The following ACOT13 variants were observed in gnomAD, a reference collection of about 807,000 sequenced individuals.
ACOT13 encodes the protein acyl-CoA thioesterase 13.
ACOT13 carries 10 observed loss-of-function variants against 11.8 expected under a neutral mutation model. That is an observed-to-expected ratio of 0.85 (90% CI 0.53 to 1.44). ACOT13 has a LOEUF of 1.44. Ranked by LOEUF, ACOT13 falls within the 40% of genes most tolerant of loss-of-function variation. The pLI is 0.00. For missense variants in ACOT13, 172 were observed against 174.1 expected (o/e 0.99, Z 0.07); for synonymous variants, 53 against 61.0 (o/e 0.87, Z 0.61).
At chr6:24,676,007 C>G (rs971454470) in intron 1 of ACOT13, among the ~76,000 whole-genome samples, 1 of 152,152 alleles carries the variant, frequency 6.6e-6, no homozygotes, top group Non-Finnish European at 1.5e-5. Context: ...TTGTTTTTGT[C>G]AGGTTTGTCA....
intron 2 of ACOT13, among the ~76,000 whole-genome samples, chr6:24,700,149 C>T (rs1429222233): frequency 6.6e-6 from 1 of 152,068 alleles, no homozygotes; most frequent in African/African-American, 2.4e-5. Flanking sequence ...AGCGAGGTTC[C>T]AAAACAACAA....
intron 1 of ACOT13, among the ~76,000 whole-genome samples, chr6:24,685,400 G>A (rs1778613697): frequency 1.4e-5 from 2 of 145,362 alleles, no homozygotes; most frequent in South Asian, 4.4e-4. Flanking sequence ...AGGCTGGAGT[G>A]CAGTGGTGCA....
In ACOT13 at chr6:24,687,583, CAAG is replaced by C. The variant is rs1433719184; in HGVS notation, c.82-10298_82-10296del. On this transcript the variant is annotated intron_variant, in intron 1 of 2. Transcript: ENST00000230048. ...GAAGGTGAATACCTGAATGAGATGT[CAAG>C]AGGAGGAACACACTGGAGAGAAGCA... 81 of 1,456,508 alleles carry C rather than the reference CAAG, an allele frequency of 5.6e-5. No homozygotes were observed. The East Asian group carries it at 1.4e-3, about 25-fold the overall frequency. 90.2% of individuals were successfully genotyped at this position (1,456,508 alleles called of 1,614,324 possible). A position where few individuals can be genotyped will look rare whatever the true frequency, so the allele number is the denominator to read the frequency against.
intron 1 of ACOT13, among the ~76,000 whole-genome samples, chr6:24,694,977 CT>C (rs1266484542): frequency 1.3e-5 from 2 of 152,168 alleles, no homozygotes; most frequent in Non-Finnish European, 2.9e-5. Flanking sequence ...TCAAATGGAA[CT>C]TTAAGAACTA....
chr6:24,669,179 A>G (rs1778318150), intron 1 of ACOT13, among the ~76,000 whole-genome samples: 1 of 152,240 alleles, frequency 6.6e-6, no homozygotes, highest in Admixed American at 6.5e-5. Context: ...ACACAGCCTC[A>G]GGAGGTCCTG....
rs1582429080 is a variant in ACOT13 at position 24,667,181 on chromosome 6, CCTT to C, written c.-79_-77del. 5 of 1,403,224 alleles carry C rather than the reference CCTT, an allele frequency of 3.6e-6. No individual in the cohort carries two copies. Among genetic ancestry groups the C allele is most frequent in the South Asian group, 1.2e-5 (1 of 83,086 alleles). The allele number at this position is 1,403,224 out of a possible 1,614,324, so 86.9% of individuals were successfully genotyped here. A position where few individuals can be genotyped will look rare whatever the true frequency, so the allele number is the denominator to read the frequency against. On this transcript the variant is annotated 5_prime_UTR_variant, in exon 1 of 3. Coordinates refer to ENST00000230048, the MANE Select transcript of ACOT13 (RefSeq NM_018473.4). ...GCGGGCTCTTCGCCCTTTGTGTCCT[CCTT>C]CTTTCACTAACTTCTGGACTTTCCA...
chr6:24,678,597 C>T (rs1159891485), intron 1 of ACOT13, among the ~76,000 whole-genome samples: 6 of 152,126 alleles, frequency 3.9e-5, no homozygotes, highest in Admixed American at 3.9e-4. Context: ...TTCTGTTGCC[C>T]AGACGTCAGG....
intron 1 of ACOT13, among the ~76,000 whole-genome samples, chr6:24,674,889 A>G (rs868700191): frequency 3.0e-5 from 1 of 33,048 alleles, no homozygotes; most frequent in African/African-American, 1.3e-4. Context: ...CCCTCCCCCC[A>G]CCCCACGACA....
chr6:24,687,543 A>G, intron 1 of ACOT13: 1 of 1,406,640 alleles, frequency 7.1e-7, no homozygotes, highest in South Asian at 1.7e-5. Flanking sequence ...AGTCATCTTT[A>G]TGGAAATGAG....
chr6:24,680,026 G>T (rs189914904), intron 1 of ACOT13, among the ~76,000 whole-genome samples: 5 of 152,262 alleles, frequency 3.3e-5, no homozygotes, highest in African/African-American at 1.2e-4. Flanking sequence ...ATCTTCTTTG[G>T]ACCTTTGGGT....
chr6:24,697,521 C>T (rs1778814072), intron 1 of ACOT13, among the ~76,000 whole-genome samples: 1 of 152,104 alleles, frequency 6.6e-6, no homozygotes. Context: ...AACTAGGAAA[C>T]AACAAATCAA....
rs1302724493 is a variant in ACOT13 at position 24,701,886 on chromosome 6, CA to C, written c.*272del. Reference sequence around the variant, plus strand: ...GGTAAAGCAAAGAAACTAGCAGGACCACTCTCAGTTAAGATTAAAACTAAAG... The same window carrying C: ...GGTAAAGCAAAGAAACTAGCAGGACCCTCTCAGTTAAGATTAAAACTAAAG... On this transcript the variant is annotated 3_prime_UTR_variant, in exon 3 of 3. Transcript: ENST00000230048. 5 of 313,486 alleles carry C rather than the reference CA, an allele frequency of 1.6e-5. No homozygotes were observed. Among genetic ancestry groups the C allele is most frequent in the Non-Finnish European group, 2.9e-5 (5 of 169,622 alleles). The allele number at this position is 313,486 out of a possible 1,614,324, so 19.4% of individuals were successfully genotyped here. A position where few individuals can be genotyped will look rare whatever the true frequency, so the allele number is the denominator to read the frequency against.
At chr6:24,671,930 AATAC>A (rs1778372987) in intron 1 of ACOT13, among the ~76,000 whole-genome samples, 1 of 152,358 alleles carries the variant, frequency 6.6e-6, no homozygotes, top group East Asian at 1.9e-4. Flanking sequence ...TATTTATACA[AATAC>A]ATCTCAAAGA....
rs181522031 is a variant in ACOT13 at position 24,701,255 on chromosome 6, G to T, written c.267-204G>T. ...ACCTCTTCTCACATATTTGGGAAAAGAAACTTGTGTGGGTAAGGAATGGGT... is the reference window on the plus strand; with the variant it reads ...ACCTCTTCTCACATATTTGGGAAAATAAACTTGTGTGGGTAAGGAATGGGT... On this transcript the variant is annotated intron_variant, in intron 2 of 2. Transcript: ENST00000230048. The T allele has an allele frequency of 5.4e-4, 201 of 369,320 alleles. 2 individuals are homozygous for T. The highest frequency in any genetic ancestry group is 2.9e-5 in the Non-Finnish European group (6 of 210,358). 22.9% of individuals were successfully genotyped at this position (369,320 alleles called of 1,614,324 possible).
At chr6:24,670,179 G>C (rs1346029043) in intron 1 of ACOT13, among the ~76,000 whole-genome samples, 1 of 151,992 alleles carries the variant, frequency 6.6e-6, no homozygotes, top group Non-Finnish European at 1.5e-5. Flanking sequence ...TATTATATTT[G>C]ACCAGATTAT....
intron 1 of ACOT13, among the ~76,000 whole-genome samples, chr6:24,673,488 G>A (rs924212087): frequency 6.6e-6 from 1 of 152,100 alleles, no homozygotes; most frequent in Non-Finnish European, 1.5e-5. Flanking sequence ...AGCCTGCCAA[G>A]TAGCTGGGAC....
chr6:24,668,402 T>G (rs566068393), intron 1 of ACOT13, among the ~76,000 whole-genome samples: 18 of 150,358 alleles, frequency 1.2e-4, no homozygotes, highest in Admixed American at 8.6e-4. Flanking sequence ...TTTATTTTTA[T>G]TAGAGACAGG....
At chr6:24,681,708 G>A (rs1778553610) in intron 1 of ACOT13, among the ~76,000 whole-genome samples, 2 of 152,068 alleles carry the variant, frequency 1.3e-5, no homozygotes, top group Non-Finnish European at 2.9e-5. Flanking sequence ...AGACTCCCTG[G>A]GTTACAGCCC....
intron 2 of ACOT13, among the ~76,000 whole-genome samples, chr6:24,698,642 G>GGT (rs1554191139): frequency 1.4e-5 from 2 of 141,914 alleles, no homozygotes; most frequent in East Asian, 4.1e-4. Context: ...CATTGCTGGG[G>GGT]TTTTTTTTTT....
Sources: allele counts gnomAD v4.1 joint callset (sites outside exome capture counted in the v4.1 genomes callset), GRCh38; gene constraint gnomAD v4.1.1; transcripts MANE v1.5; gene names NCBI Gene and HGNC (gene_info 2026-07-23, HGNC 2026-07-21).